The following FARSB variants were observed in gnomAD, a reference collection of about 807,000 sequenced individuals.
The protein encoded by FARSB is phenylalanine--tRNA ligase beta subunit.
FARSB carries 40 observed loss-of-function variants against 69.6 expected under a neutral mutation model. The observed-to-expected ratio is 0.57, with a 90% confidence interval of 0.45 to 0.75. The LOEUF (loss-of-function observed/expected upper bound fraction) is 0.75, where lower values mean the gene tolerates loss of function less well. FARSB is among the 30% of genes least tolerant of loss of function. The pLI is 0.00. For synonymous variants in FARSB, 235 were observed against 247.2 expected (o/e 0.95, Z 0.46); for missense variants, 632 against 722.9 (o/e 0.87, Z 1.44).
chr2:222,633,239 A>C lies in FARSB; in HGVS notation c.675T>G (p.Asp225Glu), dbSNP rs545727627. Residue 225 changes from aspartate (D) to glutamate (E), a missense_variant, in exon 7 of 17, where the codon GAT becomes GAG. Transcript: ENST00000281828. ...ENKPLYPVIY[D>E]SNGVVLSMPP... ...GCATTGAAAGGACGACACCATTGCTATCATAGATAACTGGATACAGGGGTT... is the reference window on the plus strand; with the variant it reads ...GCATTGAAAGGACGACACCATTGCTCTCATAGATAACTGGATACAGGGGTT... 1 of 1,585,948 alleles carries C rather than the reference A, an allele frequency of 6.3e-7. No homozygotes were observed. The highest frequency in any genetic ancestry group is 1.3e-5 in the African/African-American group (1 of 74,206).
chr2:222,635,904 A>AC (rs1240825738), intron 5 of FARSB, among the ~76,000 whole-genome samples: 4 of 151,972 alleles, frequency 2.6e-5, no homozygotes, highest in Admixed American at 6.6e-5. Context: ...ACATGGTGAG[A>AC]CCCCATCTCC....
At position 222,568,652 on chromosome 2, in the gene FARSB, T is replaced by A. The variant is rs1689669231; in HGVS notation, c.*3219A>T. 6.6e-6 allele frequency: 1 copy of A among 152,194 alleles called. No individual in the cohort carries two copies. The highest frequency in any genetic ancestry group is 1.9e-4 in the East Asian group (1 of 5,188). 9.4% of individuals were successfully genotyped at this position (152,194 alleles called of 1,614,324 possible). ...GTCAGAAGTTCGAGACCAGCCTAGC[T>A]AACGTGGTGAAACCCCGTCTCTACT... On this transcript the variant is annotated 3_prime_UTR_variant, in exon 17 of 17. Transcript: ENST00000281828. The surrounding 1 kb of genome is among the most constrained non-coding windows in gnomAD (Gnocchi z 4.3).
intron 15 of FARSB, among the ~76,000 whole-genome samples, chr2:222,611,294 G>A (rs1209051532): frequency 6.6e-6 from 1 of 152,170 alleles, no homozygotes. Flanking sequence ...GACAGATATA[G>A]AAGAGGTTTC....
intron 11 of FARSB, 77 bp from the exon 12 acceptor site, chr2:222,624,556 A>C: frequency 2.0e-6 from 2 of 1,018,440 alleles, no homozygotes; most frequent in Middle Eastern, 4.5e-4. Context: ...AACATATGCT[A>C]CTAGCTGAAA....
chr2:222,593,513 T>A (rs1466936502), intron 16 of FARSB, among the ~76,000 whole-genome samples: 1 of 152,204 alleles, frequency 6.6e-6, no homozygotes, highest in Admixed American at 6.5e-5. Context: ...TAGGCTCTGA[T>A]AATTAAACAA....
At chr2:222,620,063 C>CT (rs1031897708) in intron 13 of FARSB, among the ~76,000 whole-genome samples, 1 of 152,072 alleles carries the variant, frequency 6.6e-6, no homozygotes, top group Non-Finnish European at 1.5e-5. Flanking sequence ...ATAAACTGTA[C>CT]TCGGGCCCTT....
At chr2:222,641,548 G>A (rs1452280832) in intron 3 of FARSB, among the ~76,000 whole-genome samples, 4 of 152,176 alleles carry the variant, frequency 2.6e-5, no homozygotes, top group South Asian at 4.1e-4. Flanking sequence ...GTTGGGTGGC[G>A]ACTAAGACTG....
chr2:222,646,603 A>G (rs1469747650), intron 2 of FARSB, among the ~76,000 whole-genome samples: 3 of 152,240 alleles, frequency 2.0e-5, no homozygotes, highest in Non-Finnish European at 4.4e-5. Flanking sequence ...CTGACTTCAC[A>G]TATATGCTCT....
chr2:222,597,323 GTC>G (rs1003698302), intron 16 of FARSB, among the ~76,000 whole-genome samples: 7 of 152,056 alleles, frequency 4.6e-5, no homozygotes, highest in African/African-American at 1.4e-4. Flanking sequence ...ACAAGTCTGA[GTC>G]TGTAAATATT....
chr2:222,600,574 G>C (rs933117466), intron 15 of FARSB, among the ~76,000 whole-genome samples: 1 of 152,124 alleles, frequency 6.6e-6, no homozygotes, highest in African/African-American at 2.4e-5. Flanking sequence ...GATACTAAGC[G>C]GCTATTAGAA....
chr2:222,644,050 C>T (rs1262048173), intron 2 of FARSB, among the ~76,000 whole-genome samples: 3 of 152,178 alleles, frequency 2.0e-5, no homozygotes, highest in African/African-American at 7.2e-5. Context: ...ACTATTTCCA[C>T]CACCAACAAC....
chr2:222,598,739 AC>A (rs1241067733), intron 16 of FARSB, among the ~76,000 whole-genome samples: 2 of 152,152 alleles, frequency 1.3e-5, no homozygotes, highest in Non-Finnish European at 2.9e-5. Context: ...TGTGGGGTCA[AC>A]ATGCATGACC....
intron 4 of FARSB, 91 bp downstream of exon 4, chr2:222,640,771 G>A (rs1399426550): frequency 1.5e-6 from 1 of 676,374 alleles, no homozygotes. Context: ...AAAAAAAAAA[G>A]AGTAAGCTTT....
intron 16 of FARSB, among the ~76,000 whole-genome samples, chr2:222,575,679 A>G (rs1276111087): frequency 1.3e-5 from 2 of 152,232 alleles, no homozygotes; most frequent in Non-Finnish European, 2.9e-5. Context: ...AATACATGTG[A>G]AAGTCTGGAC....
chr2:222,598,317 A>G (rs772020959), intron 16 of FARSB, among the ~76,000 whole-genome samples: 2 of 152,222 alleles, frequency 1.3e-5, no homozygotes, highest in Admixed American at 6.5e-5. Flanking sequence ...CACTCTTCTG[A>G]TAAATAAATA....
In FARSB at chr2:222,640,886, G is replaced by A. The variant is rs1186626798; in HGVS notation, c.315C>T (p.Ile105=). 6.4e-7 allele frequency: 1 copy of A among 1,560,172 alleles called. No homozygotes were observed. Among genetic ancestry groups the A allele is most frequent in the Non-Finnish European group, 8.8e-7 (1 of 1,141,486 alleles). ...VYKRVMPDGK[I]QKLIITEETA... is the part of the protein sequence containing the mutation. The stretch of plus-strand genomic sequence containing the variant: ...CCTCTTCTGTGATAATCAATTTCTG[G>A]ATTTTTCCATCAGGCATTACCCGTT... The change falls in exon 4 of 17, where the codon ATC becomes ATT. Residue 105 remains isoleucine, a synonymous_variant. Transcript: ENST00000281828.
intron 13 of FARSB, among the ~76,000 whole-genome samples, chr2:222,620,059 T>C (rs999039802): frequency 2.6e-5 from 4 of 152,192 alleles, no homozygotes; most frequent in African/African-American, 7.2e-5. Flanking sequence ...TGGTATAAAC[T>C]GTACTCGGGC....
chr2:222,605,826 C>T (rs1049306700), intron 15 of FARSB, among the ~76,000 whole-genome samples: 4 of 152,032 alleles, frequency 2.6e-5, no homozygotes, highest in Non-Finnish European at 4.4e-5. Context: ...AGTCCCAGCT[C>T]CTTGGGAGGC....
intron 3 of FARSB, among the ~76,000 whole-genome samples, chr2:222,642,282 T>C (rs376593155): frequency 6.6e-6 from 1 of 152,256 alleles, no homozygotes; most frequent in East Asian, 1.9e-4. Flanking sequence ...ATTATGGGCA[T>C]GAGCCACCAT....
Sources: gnomAD v4.1 joint callset for allele counts (sites outside exome capture counted in the v4.1 genomes callset) on GRCh38, gnomAD v4.1.1 for gene constraint, Gnocchi (gnomAD v3.1) non-coding constraint, MANE v1.5 for transcripts, NCBI Gene and HGNC (gene_info 2026-07-23, HGNC 2026-07-21) for gene names.